Variants in QKI observed in about 807,000 individuals in gnomAD.
The protein encoded by QKI is KH domain-containing RNA-binding protein QKI.
In QKI, 10 loss-of-function variants were observed where a neutral mutation model predicts 39.0. The observed-to-expected ratio is 0.26, with a 90% CI of 0.16 to 0.43. QKI has a LOEUF of 0.43. Among genes scored for constraint, QKI ranks in the 20% least tolerant of loss-of-function variants. The pLI, the probability that QKI is intolerant of heterozygous loss-of-function variation, is 1.00. For synonymous variants in QKI, 204 were observed against 155.4 expected (o/e 1.31, Z -2.33); for missense variants, 218 against 428.0 (o/e 0.51, Z 4.33).
intron 4 of QKI, among the ~76,000 whole-genome samples, chr6:163,540,330 G>A (rs186768263): frequency 3.1e-4 from 47 of 152,212 alleles, no homozygotes; most frequent in African/African-American, 9.6e-4. Context: ...TCCATCTGCA[G>A]AAAAGACTAA....
In QKI at chr6:163,576,394, AT is replaced by A. The variant is rs1228246543; in HGVS notation, c.*5686del. 6.6e-6 allele frequency: 1 copy of A among 152,200 alleles called. No individual in the cohort carries two copies. Among genetic ancestry groups the A allele is most frequent in the African/African-American group, 2.4e-5 (1 of 41,428 alleles). The allele number at this position is 152,200 out of a possible 1,614,324, so 9.4% of individuals were successfully genotyped here. A position where few individuals can be genotyped will look rare whatever the true frequency, so the allele number is the denominator to read the frequency against. ...AGGGCAGCCACAGTGTTGATTCCAC[AT>A]TATAATGTTGTTGCCTCTTCTTGGC... On this transcript the variant is annotated 3_prime_UTR_variant, in exon 8 of 8. Transcript: ENST00000361752.
intron 4 of QKI, among the ~76,000 whole-genome samples, chr6:163,544,656 A>G (rs1781756839): frequency 2.0e-5 from 3 of 152,070 alleles, no homozygotes; most frequent in African/African-American, 7.2e-5. Flanking sequence ...AGACTGTAAA[A>G]TACTTTTAAC....
intron 7 of QKI, chr6:163,569,172 G>A (rs1358860958): frequency 3.1e-6 from 3 of 955,368 alleles, no homozygotes; most frequent in South Asian, 4.7e-5. Context: ...TGATTTTGGA[G>A]CAGCAATTTT....
chr6:163,454,204 G>A (rs374378983), intron 1 of QKI, among the ~76,000 whole-genome samples: 3 of 151,958 alleles, frequency 2.0e-5, no homozygotes, highest in East Asian at 3.9e-4. Context: ...ATGTTCCAAA[G>A]GACAGGAGCC....
rs757701002 is a variant in QKI at position 163,517,081 on chromosome 6, TTCTCTCTCTCTCTCTCTC to T, written c.403-17897_403-17880del. Among the ~76,000 whole-genome samples, 4 of 97,698 alleles carry T rather than the reference TTCTCTCTCTCTCTCTCTC, an allele frequency of 4.1e-5. No individual in the cohort carries two copies. The South Asian group carries it at 1.6e-3, about 39-fold the overall frequency. The allele number at this position is 97,698 out of a possible 152,430, so 64.1% of individuals were successfully genotyped here. ...TCACTCTCTCTCTCTCTCTCTCTCTTTCTCTCTCTCTCTCTCTCTCTAGCTCTCTCTAGCTCTCTCTGT... is the reference window on the plus strand; with the variant it reads ...TCACTCTCTCTCTCTCTCTCTCTCTTTCTAGCTCTCTCTAGCTCTCTCTGT... On this transcript the variant is annotated intron_variant, in intron 3 of 7. Transcript: ENST00000361752.
rs548123194 is a variant in QKI, at chr6:163,427,116, C to T, written c.142+11781C>T. Among the ~76,000 whole-genome samples, 9 of 152,040 alleles carry T rather than the reference C, an allele frequency of 5.9e-5. No homozygotes were observed. In the South Asian group the frequency reaches 1.9e-3, roughly 32 times the overall value. On this transcript the variant is annotated intron_variant, in intron 1 of 7. Coordinates refer to ENST00000361752, the MANE Select transcript of QKI (RefSeq NM_006775.3). The stretch of plus-strand genomic sequence containing the variant: ...CTTGAATTTAGGTGTTAAACATGTT[C>T]ATTACTCTCAGGATGTGATTACTTC...
At chr6:163,433,426 G>A (rs1435051633) in intron 1 of QKI, among the ~76,000 whole-genome samples, 5 of 152,052 alleles carry the variant, frequency 3.3e-5, no homozygotes, top group African/African-American at 9.7e-5. Flanking sequence ...TAAATAACAG[G>A]TACATATATC....
chr6:163,564,232 TAAC>T (rs1783211692), intron 6 of QKI: 1 of 1,029,712 alleles, frequency 9.7e-7, no homozygotes, highest in African/African-American at 1.7e-5. Flanking sequence ...ATGCATCGCT[TAAC>T]AACGGGGATA....
chr6:163,434,382 CAAT>C (rs1562429253), intron 1 of QKI, among the ~76,000 whole-genome samples: 2 of 152,056 alleles, frequency 1.3e-5, no homozygotes, highest in Admixed American at 6.6e-5. Flanking sequence ...AAAAACTAAA[CAAT>C]AATCAAGTTT....
In QKI at chr6:163,461,024, T is replaced by C. The variant is rs1413688132; in HGVS notation, c.285+5603T>C. The stretch of plus-strand genomic sequence containing the variant: ...GTTGTGAAGTGATTCAGATTACATA[T>C]TAAAGTTTTAATTTAGCAGTGTGAT... On this transcript the variant is annotated intron_variant, in intron 2 of 7. Transcript: ENST00000361752. Among the ~76,000 whole-genome samples, 7 of 152,214 alleles carry C rather than the reference T, an allele frequency of 4.6e-5. No homozygotes were observed. The East Asian group carries it at 1.3e-3, about 29-fold the overall frequency.
Position 163,529,412 on chromosome 6 carries a change from GTACATAC to G in QKI, c.403-5568_403-5562del, listed in dbSNP as rs551262525. ...AGCCAGATATGTGTAAAATCAATGT[GTACATAC>G]TGTCAAGAGTATGAAAATCAGTGAG... On this transcript the variant is annotated intron_variant, in intron 3 of 7. Coordinates refer to ENST00000361752, the MANE Select transcript of QKI (RefSeq NM_006775.3). Among the ~76,000 whole-genome samples, 45 of 152,216 alleles carry G rather than the reference GTACATAC, an allele frequency of 3.0e-4. No homozygotes were observed. The South Asian group carries it at 9.1e-3, about 31-fold the overall frequency.
chr6:163,533,206 C>G (rs920526376), intron 3 of QKI, among the ~76,000 whole-genome samples: 1 of 151,532 alleles, frequency 6.6e-6, no homozygotes, highest in Non-Finnish European at 1.5e-5. Context: ...TTGAACATAA[C>G]AATTGAAATC....
intron 3 of QKI, among the ~76,000 whole-genome samples, chr6:163,502,296 C>G (rs1454784912): frequency 1.6e-5 from 1 of 63,504 alleles, no homozygotes; most frequent in African/African-American, 5.6e-5. Context: ...GCACTCCAAC[C>G]TGGGTTAAAC....
At chr6:163,415,901 T>C (rs1184484965) in intron 1 of QKI, 4 of 513,244 alleles carry the variant, frequency 7.8e-6, no homozygotes, top group Non-Finnish European at 1.6e-5. Context: ...TGGAAGTCAG[T>C]GTGGGGCTCG....
Position 163,494,465 on chromosome 6 carries a change from A to G in QKI, c.402+15569A>G, listed in dbSNP as rs1778271894. 2.6e-5 allele frequency among the ~76,000 whole-genome samples: 4 copies of G among 152,316 alleles called. No individual in the cohort carries two copies. In the South Asian group the frequency reaches 8.3e-4, roughly 32 times the overall value. Reference sequence around the variant, plus strand: ...TGCTGAAACTTATGTGTAACCCTCAAATCATTACTGGCGACACTTTCACGG... The same window carrying G: ...TGCTGAAACTTATGTGTAACCCTCAGATCATTACTGGCGACACTTTCACGG... On this transcript the variant is annotated intron_variant, in intron 3 of 7. Coordinates refer to ENST00000361752, the MANE Select transcript of QKI (RefSeq NM_006775.3).
chr6:163,432,400 T>TC (rs1562426844), intron 1 of QKI, among the ~76,000 whole-genome samples: 1 of 145,492 alleles, frequency 6.9e-6, no homozygotes, highest in African/African-American at 2.6e-5. Context: ...TCCCCCCCCT[T>TC]TTTTTTTTTT....
intron 3 of QKI, among the ~76,000 whole-genome samples, chr6:163,516,942 A>T (rs9347756): frequency 0.84 from 127,639 of 152,152 alleles, 54,157 homozygotes; most frequent in East Asian, 1. Context: ...TGTTAGTGCC[A>T]TAATGGGATG....
intron 1 of QKI, among the ~76,000 whole-genome samples, chr6:163,441,685 C>T (rs1294175926): frequency 1.3e-5 from 2 of 152,096 alleles, no homozygotes; most frequent in East Asian, 1.9e-4. Flanking sequence ...AGGTTGGACT[C>T]CTTGAAAAAC....
At chr6:163,526,501 G>A (rs1780525628) in intron 3 of QKI, among the ~76,000 whole-genome samples, 1 of 152,202 alleles carries the variant, frequency 6.6e-6, no homozygotes, top group Non-Finnish European at 1.5e-5. Context: ...CGAATTTTAT[G>A]TGGGTGCTTG....
Sources: gnomAD v4.1 joint callset for allele counts (sites outside exome capture counted in the v4.1 genomes callset) on GRCh38, gnomAD v4.1.1 for gene constraint, MANE v1.5 for transcripts, NCBI Gene and HGNC (gene_info 2026-07-23, HGNC 2026-07-21) for gene names.